NCAM1: variants seen among roughly 807,000 people sequenced by gnomAD.
The protein encoded by NCAM1 is antigen recognized by monoclonal antibody 5.1H11.
Under a neutral mutation model 109.8 loss-of-function variants are expected in NCAM1, and 14 were observed. The ratio of observed to expected loss-of-function variants is 0.13; its 90% CI spans 0.08 to 0.20. NCAM1 has a LOEUF of 0.20. Among genes scored for constraint, NCAM1 ranks in the 10% least tolerant of loss-of-function variants. The probability of loss-of-function intolerance (pLI) is 1.00; values close to 1 mark genes in which losing one functional copy is unlikely to be tolerated. For missense variants in NCAM1, 774 were observed against 1,109.9 expected, an observed-to-expected ratio of 0.70 and a Z score of 4.30; for synonymous variants, 418 against 442.9, an observed-to-expected ratio of 0.94 and a Z score of 0.70.
At chr11:113,245,669 A>AG (rs1168765996) in intron 14 of NCAM1, among the ~76,000 whole-genome samples, 12 of 152,180 alleles carry the variant, frequency 7.9e-5, no homozygotes, top group African/African-American at 2.9e-4. Context: ...TGGAGAAAGA[A>AG]GTGAGATAAG....
rs1950777201 is a variant in NCAM1 at position 112,968,188 on chromosome 11, G to A, written c.52+6524G>A. Reference sequence around the variant, plus strand: ...ATTAGAATCATATATTGAAGTCAAAGTCATTTTTAGAAAGAAGTATTTCAC... The same window carrying A: ...ATTAGAATCATATATTGAAGTCAAAATCATTTTTAGAAAGAAGTATTTCAC... On this transcript the variant is annotated intron_variant, in intron 1 of 19. Coordinates refer to ENST00000316851, the MANE Select transcript of NCAM1 (RefSeq NM_181351.5). 2.0e-5 allele frequency among the ~76,000 whole-genome samples: 3 copies of A among 152,306 alleles called. No homozygotes were observed. The South Asian group carries it at 6.2e-4, about 32-fold the overall frequency.
chr11:113,056,283 T>C (rs1170307899), intron 1 of NCAM1, among the ~76,000 whole-genome samples: 1 of 151,684 alleles, frequency 6.6e-6, no homozygotes, highest in Non-Finnish European at 1.5e-5. Context: ...AATTGATTAA[T>C]GGTTGCAAAA....
At position 113,235,100 on chromosome 11, in the gene NCAM1, G is replaced by A. The variant is rs371294819; in HGVS notation, c.1761G>A (p.Ala587=). Residue 587 remains alanine (A), a synonymous_variant, in exon 14 of 20, where the codon GCG becomes GCA. Coordinates refer to ENST00000316851, the MANE Select transcript of NCAM1 (RefSeq NM_181351.5). ...AAACAACGTACGCCGTAAGGCTGGC[G>A]GCGCTCAATGGCAAAGGGCTGGGTG... The part of the protein sequence containing the change: ...KPETTYAVRL[A]ALNGKGLGEI... 3.3e-5 allele frequency: 53 copies of A among 1,607,004 alleles called. No individual in the cohort carries two copies. The highest frequency in any genetic ancestry group is 1.5e-4 in the Admixed American group (9 of 58,914).
chr11:113,275,148 A>T, intron 19 of NCAM1, 119 bp from the exon 20 acceptor site: 1 of 1,342,584 alleles, frequency 7.4e-7, no homozygotes, highest in Non-Finnish European at 1.0e-6. Flanking sequence ...CAGAGGTTGG[A>T]GCCGGGTGCT....
intron 1 of NCAM1, among the ~76,000 whole-genome samples, chr11:113,024,741 T>C (rs1295796599): frequency 6.6e-6 from 1 of 152,118 alleles, no homozygotes; most frequent in Admixed American, 6.5e-5. Context: ...TTGCCACTGG[T>C]GTTGTGTTTC....
chr11:113,020,817 G>A (rs1336579804), intron 1 of NCAM1, among the ~76,000 whole-genome samples: 5 of 152,078 alleles, frequency 3.3e-5, no homozygotes, highest in African/African-American at 9.7e-5. Flanking sequence ...GTGCAGTGGC[G>A]TGATTTCGGC....
intron 1 of NCAM1, among the ~76,000 whole-genome samples, chr11:112,973,131 TA>T (rs1950926486): frequency 1.3e-5 from 2 of 152,172 alleles, no homozygotes; most frequent in East Asian, 1.9e-4. Flanking sequence ...TCTAGACCTT[TA>T]AAAAATGTTT....
chr11:113,183,086 G>A (rs752205520), intron 1 of NCAM1, among the ~76,000 whole-genome samples: 2 of 152,188 alleles, frequency 1.3e-5, no homozygotes, highest in Non-Finnish European at 2.9e-5. Context: ...CTAAATGAGC[G>A]AGCTGAGACC....
intron 17 of NCAM1, 63 bp downstream of exon 17, chr11:113,260,386 C>T (rs1448725500): frequency 3.3e-6 from 5 of 1,524,044 alleles, no homozygotes; most frequent in Middle Eastern, 2.1e-4. Context: ...GCTGCACCTC[C>T]TAATGCGCCT....
intron 1 of NCAM1, among the ~76,000 whole-genome samples, chr11:113,032,607 G>T (rs1328184347): frequency 6.6e-6 from 1 of 152,218 alleles, no homozygotes; most frequent in South Asian, 2.1e-4. Context: ...AAGGAGTGGG[G>T]TTTGGTGAGC....
intron 1 of NCAM1, among the ~76,000 whole-genome samples, chr11:112,966,082 T>C (rs939837094): frequency 8.5e-5 from 13 of 152,214 alleles, no homozygotes; most frequent in Admixed American, 6.5e-5. Flanking sequence ...AATTCCATAA[T>C]TGATCATTTT....
At chr11:113,141,188 C>T (rs961492177) in intron 1 of NCAM1, among the ~76,000 whole-genome samples, 15 of 152,082 alleles carry the variant, frequency 9.9e-5, no homozygotes, top group Non-Finnish European at 7.4e-5. Context: ...TGTGATAATA[C>T]GGGGAAGAGA....
In NCAM1 at chr11:113,259,950, C is replaced by T. The variant is rs545893292; in HGVS notation, c.1954-196C>T. 2.2e-4 allele frequency: 103 copies of T among 478,546 alleles called. 1 individual carries two copies. The highest frequency in any genetic ancestry group is 7.9e-4 in the East Asian group (20 of 25,378). The allele number at this position is 478,546 out of a possible 1,614,324, so 29.6% of individuals were successfully genotyped here. ...AACTCCTGACCTCAAGTGATCCACCCGCCTCGGCCTCCCAAGGTGGCTAGG... is the reference window on the plus strand; with the variant it reads ...AACTCCTGACCTCAAGTGATCCACCTGCCTCGGCCTCCCAAGGTGGCTAGG... On this transcript the variant is annotated intron_variant, in intron 16 of 19. Transcript: ENST00000316851.
At chr11:113,262,217 C>T (rs1946025457) in intron 17 of NCAM1, among the ~76,000 whole-genome samples, 1 of 152,208 alleles carries the variant, frequency 6.6e-6, no homozygotes, top group Admixed American at 6.5e-5. Flanking sequence ...CTTCCTTTAA[C>T]AGCACTGTGG....
intron 1 of NCAM1, among the ~76,000 whole-genome samples, chr11:113,108,267 A>G (rs957432331): frequency 4.6e-5 from 7 of 152,228 alleles, no homozygotes; most frequent in Non-Finnish European, 1.0e-4. Context: ...AAAGGCATGC[A>G]AAGCCACACA....
intron 1 of NCAM1, among the ~76,000 whole-genome samples, chr11:113,167,056 C>T (rs565306277): frequency 9.2e-5 from 14 of 152,232 alleles, no homozygotes; most frequent in South Asian, 8.3e-4. Flanking sequence ...TATTGATAAA[C>T]GTGTTGACAA....
rs76798480 is a variant in NCAM1 at position 113,221,783 on chromosome 11, G to A, written c.1089+458G>A. On this transcript the variant is annotated intron_variant, in intron 9 of 19. Transcript: ENST00000316851. The stretch of plus-strand genomic sequence containing the variant: ...ACTTATTTTATAATGATCAGTCTTG[G>A]TAAATTATCACATCACGTTTCATCT... 862 of 156,130 alleles carry A rather than the reference G, an allele frequency of 5.5e-3. 8 individuals carry two copies. The highest frequency in any genetic ancestry group is 7.0e-3 in the Non-Finnish European group (494 of 70,384). 9.7% of individuals were successfully genotyped at this position (156,130 alleles called of 1,614,324 possible).
intron 1 of NCAM1, among the ~76,000 whole-genome samples, chr11:113,037,070 T>G (rs1046715710): frequency 2.0e-5 from 3 of 152,180 alleles, no homozygotes; most frequent in African/African-American, 7.2e-5. Flanking sequence ...CCTCCTCCAG[T>G]CTTTATATCT....
At chr11:113,119,288 G>A (rs1940846050) in intron 1 of NCAM1, among the ~76,000 whole-genome samples, 1 of 152,200 alleles carries the variant, frequency 6.6e-6, no homozygotes, top group Admixed American at 6.5e-5. Context: ...TGCTTTCAGA[G>A]CTGCAGAACT....
Sources: gnomAD v4.1 joint callset for allele counts (sites outside exome capture counted in the v4.1 genomes callset) on GRCh38, gnomAD v4.1.1 for gene constraint, MANE v1.5 for transcripts, NCBI Gene and HGNC (gene_info 2026-07-23, HGNC 2026-07-21) for gene names.